The following IL1R1 variants were observed in gnomAD, a reference collection of about 807,000 sequenced individuals.
The protein encoded by IL1R1 is interleukin 1 receptor type 1, also known as interleukin-1 receptor type 1.
A neutral mutation model predicts 50.2 loss-of-function variants in IL1R1; 22 were observed. The ratio of observed to expected loss-of-function variants is 0.44; its 90% CI spans 0.31 to 0.63. IL1R1 has a LOEUF of 0.63. Ranked by LOEUF, IL1R1 falls within the 20% of genes least tolerant of loss-of-function variation. IL1R1 has a pLI of 0.07. For synonymous variants in IL1R1, 251 were observed against 236.7 expected (o/e 1.06, Z -0.55); for missense variants, 509 against 676.2 (o/e 0.75, Z 2.74).
chr2:102,092,268 C>T (rs573246595), intron 1 of IL1R1, among the ~76,000 whole-genome samples: 46 of 152,088 alleles, frequency 3.0e-4, no homozygotes, highest in African/African-American at 1.0e-3. Context: ...GGCAGAGGGG[C>T]GGGAGGCTGG....
At chr2:102,078,004 T>C (rs1679046377) in intron 1 of IL1R1, among the ~76,000 whole-genome samples, 1 of 152,072 alleles carries the variant, frequency 6.6e-6, no homozygotes, top group African/African-American at 2.4e-5. Context: ...AAAGAGAAAT[T>C]AAAAATACTG....
At chr2:102,104,872 G>T (rs527910276) in exon 1 of IL1R1, 1 of 152,232 alleles carries the variant, frequency 6.6e-6, no homozygotes, top group South Asian at 2.1e-4. Context: ...GAACGGAGAC[G>T]GTAAGATGAT....
At chr2:102,171,984 T>A in intron 8 of IL1R1, 66 bp downstream of exon 8, 1 of 765,264 alleles carries the variant, frequency 1.3e-6, no homozygotes, top group Non-Finnish European at 2.0e-6. Flanking sequence ...TATAACCTTG[T>A]CGGTTCAGTT....
chr2:102,169,967 T>A (rs1399540322), intron 7 of IL1R1, among the ~76,000 whole-genome samples: 1 of 152,220 alleles, frequency 6.6e-6, no homozygotes, highest in Non-Finnish European at 1.5e-5. Flanking sequence ...TAAGGTTTTC[T>A]TGCCTCTTCC....
At chr2:102,142,733 A>G (rs1361522753), upstream of IL1R1, 1 of 150,220 alleles carries the variant, frequency 6.7e-6, no homozygotes, top group Non-Finnish European at 1.5e-5. Context: ...CTAGAGCCAG[A>G]GCCGCGCCCG....
chr2:102,096,351 A>C (rs1679902434), intron 1 of IL1R1, among the ~76,000 whole-genome samples: 1 of 152,236 alleles, frequency 6.6e-6, no homozygotes, highest in Non-Finnish European at 1.5e-5. Context: ...TTTATATCAC[A>C]TCAAACAGAG....
chr2:102,148,977 CA>C (rs1683403605), intron 1 of IL1R1, among the ~76,000 whole-genome samples: 1 of 136,674 alleles, frequency 7.3e-6, no homozygotes, highest in Non-Finnish European at 1.7e-5. Context: ...AACAAACAAA[CA>C]AACGGGTAAC....
Position 102,164,835 on chromosome 2 carries a change from T to C in IL1R1, c.123T>C (p.Val41=). 1 of 1,614,056 alleles carries C rather than the reference T, an allele frequency of 6.2e-7. No individual in the cohort carries two copies. The highest frequency in any genetic ancestry group is 1.1e-5 in the South Asian group (1 of 91,080). The change falls in exon 4 of 12, where the codon GTT becomes GTC. Residue 41 remains valine (V), a synonymous_variant. Coordinates refer to ENST00000410023, the MANE Select transcript of IL1R1 (RefSeq NM_000877.4). Reference sequence around the variant, plus strand: ...TGTCATCTGCAAATGAAATTGATGTTCGTCCCTGTCCTCTTAACCCAAATG... The same window carrying C: ...TGTCATCTGCAAATGAAATTGATGTCCGTCCCTGTCCTCTTAACCCAAATG... ...ILVSSANEID[V]RPCPLNPNEH...
intron 2 of IL1R1, 35 bp from the exon 3 acceptor site, chr2:102,157,684 G>A (rs765764017): frequency 6.5e-6 from 9 of 1,377,554 alleles, no homozygotes; most frequent in Non-Finnish European, 9.3e-6. Flanking sequence ...TAACATTTTT[G>A]CTTTTGTCTT....
intron 1 of IL1R1, among the ~76,000 whole-genome samples, chr2:102,071,167 T>C (rs1678701072): frequency 6.6e-6 from 1 of 152,224 alleles, no homozygotes; most frequent in South Asian, 2.1e-4. Flanking sequence ...TATACTTATA[T>C]ATATAAAGTA....
intron 1 of IL1R1, among the ~76,000 whole-genome samples, chr2:102,095,810 C>G (rs745882623): frequency 2.3e-4 from 35 of 152,178 alleles, no homozygotes; most frequent in Non-Finnish European, 4.7e-4. Flanking sequence ...CGAGACCATC[C>G]TGGCCAACAT....
intron 6 of IL1R1, among the ~76,000 whole-genome samples, chr2:102,166,998 A>G (rs1268184027): frequency 1.3e-5 from 2 of 152,234 alleles, no homozygotes; most frequent in Non-Finnish European, 2.9e-5. Flanking sequence ...TTGCCAGGGG[A>G]TAGTCAGAAT....
intron 1 of IL1R1, among the ~76,000 whole-genome samples, chr2:102,081,792 G>T (rs1679219464): frequency 6.6e-6 from 1 of 152,180 alleles, no homozygotes; most frequent in South Asian, 2.1e-4. Flanking sequence ...TAATGGTTGA[G>T]CAACTCCAGT....
chr2:102,086,540 T>C (rs1476011978), intron 1 of IL1R1, among the ~76,000 whole-genome samples: 1 of 95,906 alleles, frequency 1.0e-5, no homozygotes, highest in Non-Finnish European at 2.2e-5. Context: ...TCTCCCCCTC[T>C]TTTTTTTTGG....
intron 1 of IL1R1, among the ~76,000 whole-genome samples, chr2:102,082,196 C>T (rs947788147): frequency 1.3e-5 from 2 of 151,896 alleles, no homozygotes; most frequent in Non-Finnish European, 2.9e-5. Flanking sequence ...TATACATTGC[C>T]TTAATTAATC....
chr2:102,159,769 T>C (rs1684536774), intron 3 of IL1R1, among the ~76,000 whole-genome samples: 1 of 152,136 alleles, frequency 6.6e-6, no homozygotes, highest in African/African-American at 2.4e-5. Context: ...TTCGAGGAGC[T>C]CCAAACCCTC....
intron 1 of IL1R1, among the ~76,000 whole-genome samples, chr2:102,150,566 G>A (rs1219417719): frequency 2.6e-5 from 4 of 152,276 alleles, no homozygotes; most frequent in African/African-American, 7.2e-5. Context: ...GTTGTGATAC[G>A]CCAGTGTTAC....
intron 1 of IL1R1, among the ~76,000 whole-genome samples, chr2:102,147,461 A>T (rs1257848387): frequency 6.6e-6 from 1 of 152,140 alleles, no homozygotes; most frequent in East Asian, 1.9e-4. Context: ...TGGCCTTGGC[A>T]TCGTAGACCC....
intron 1 of IL1R1, among the ~76,000 whole-genome samples, chr2:102,111,754 C>T (rs892428151): frequency 3.3e-5 from 5 of 152,162 alleles, no homozygotes; most frequent in Non-Finnish European, 2.9e-5. Context: ...GCCCCAGGGG[C>T]CTGCTTGGTG....
Sources: allele counts gnomAD v4.1 joint callset (sites outside exome capture counted in the v4.1 genomes callset), GRCh38; gene constraint gnomAD v4.1.1; transcripts MANE v1.5; gene names NCBI Gene and HGNC (gene_info 2026-07-23, HGNC 2026-07-21).